EIF4G3: variants seen among roughly 807,000 people sequenced by gnomAD.
EIF4G3 encodes the protein eukaryotic translation initiation factor 4 gamma 3.
In EIF4G3, 34 loss-of-function variants were observed where a neutral mutation model predicts 186.4. The ratio of observed to expected loss-of-function variants is 0.18; its 90% confidence interval spans 0.14 to 0.24. The LOEUF is 0.24. Among genes scored for constraint, EIF4G3 ranks in the 10% least tolerant of loss-of-function variants. The pLI is 1.00. For synonymous variants in EIF4G3, 673 were observed against 679.5 expected (o/e 0.99, Z 0.15); for missense variants, 1,536 against 1,948.5 (o/e 0.79, Z 3.99).
chr1:20,827,061 C>T (rs971275646), intron 32 of EIF4G3, among the ~76,000 whole-genome samples: 7 of 152,194 alleles, frequency 4.6e-5, no homozygotes, highest in Middle Eastern at 3.4e-3. Flanking sequence ...TTGAGTCAGG[C>T]GTAAGTAAGT....
At chr1:21,171,168 C>T (rs2097958364) in intron 2 of EIF4G3, among the ~76,000 whole-genome samples, 1 of 152,140 alleles carries the variant, frequency 6.6e-6, no homozygotes, top group Non-Finnish European at 1.5e-5. Context: ...AATATCTCAT[C>T]CGTGTAAGTC....
chr1:20,982,227 T>C (rs1325944461), intron 8 of EIF4G3, among the ~76,000 whole-genome samples, 161 bp downstream of exon 8: 1 of 152,218 alleles, frequency 6.6e-6, no homozygotes, highest in African/African-American at 2.4e-5. Context: ...TGGCAACCAG[T>C]ACCTGTAGTT....
At chr1:21,028,878 G>A (rs1232964898) in intron 4 of EIF4G3, among the ~76,000 whole-genome samples, 1 of 152,198 alleles carries the variant, frequency 6.6e-6, no homozygotes, top group African/African-American at 2.4e-5. Flanking sequence ...TAGACCAGCT[G>A]TATTAATAAA....
At chr1:21,050,806 A>C (rs2154576624) in intron 4 of EIF4G3, 60 bp downstream of exon 4, 1 of 677,174 alleles carries the variant, frequency 1.5e-6, no homozygotes, top group Middle Eastern at 2.6e-4. Flanking sequence ...CTCTTTAGAA[A>C]AACAAAAATG....
At chr1:21,069,723 C>A (rs6426667) in intron 3 of EIF4G3, among the ~76,000 whole-genome samples, 65,540 of 151,786 alleles carry the variant, frequency 0.43, 14,517 homozygotes, top group Non-Finnish European at 0.47. Context: ...AAAGAAAGGC[C>A]AAACAGAAAA....
intron 26 of EIF4G3, among the ~76,000 whole-genome samples, chr1:20,854,523 A>G (rs2074287538): frequency 6.9e-6 from 1 of 145,254 alleles, no homozygotes; most frequent in Non-Finnish European, 1.5e-5. Context: ...GTGAGACTCC[A>G]TCTCTACAAA....
chr1:20,860,678 G>C (rs1252269582), intron 23 of EIF4G3, among the ~76,000 whole-genome samples, 161 bp from the exon 24 acceptor site: 1 of 152,162 alleles, frequency 6.6e-6, no homozygotes, highest in African/African-American at 2.4e-5. Flanking sequence ...AGCAGTTTAG[G>C]ATTAGAGCTG....
At chr1:20,875,050 T>C (rs1167799134) in intron 20 of EIF4G3, among the ~76,000 whole-genome samples, 1 of 152,130 alleles carries the variant, frequency 6.6e-6, no homozygotes. Flanking sequence ...ATTATCATGG[T>C]CCACTGCAGC....
At chr1:21,071,588 C>G (rs1416000168) in intron 3 of EIF4G3, among the ~76,000 whole-genome samples, 1 of 152,168 alleles carries the variant, frequency 6.6e-6, no homozygotes, top group African/African-American at 2.4e-5. Context: ...GATCCCAGCA[C>G]TTTGGGAAGC....
At chr1:21,052,012 G>T (rs957303267) in intron 3 of EIF4G3, among the ~76,000 whole-genome samples, 4 of 152,014 alleles carry the variant, frequency 2.6e-5, no homozygotes, top group African/African-American at 9.7e-5. Flanking sequence ...TATTTTTAAA[G>T]ATCTGTAAAG....
At chr1:20,813,946 TG>T (rs1557733666) in intron 34 of EIF4G3, among the ~76,000 whole-genome samples, 4 of 96,594 alleles carry the variant, frequency 4.1e-5, no homozygotes, top group African/African-American at 3.8e-5. Context: ...GATGAGTCAC[TG>T]TTTTTTTTTT....
chr1:20,999,067 T>C (rs758702082), intron 6 of EIF4G3, among the ~76,000 whole-genome samples: 2 of 152,162 alleles, frequency 1.3e-5, no homozygotes, highest in Non-Finnish European at 2.9e-5. Flanking sequence ...TTCAACAAAT[T>C]ACAGTAGAAC....
chr1:21,162,701 T>C (rs980115635), intron 2 of EIF4G3, among the ~76,000 whole-genome samples: 1 of 152,120 alleles, frequency 6.6e-6, no homozygotes, highest in Admixed American at 6.6e-5. Context: ...TGAGCCAAGA[T>C]GGTGCCATTG....
chr1:21,082,201 T>C (rs1235967117), intron 3 of EIF4G3, among the ~76,000 whole-genome samples: 1 of 149,488 alleles, frequency 6.7e-6, no homozygotes, highest in Non-Finnish European at 1.5e-5. Context: ...AAGCATAATC[T>C]TTGTGTAATT....
chr1:21,103,090 A>G (rs2096555348), intron 2 of EIF4G3, among the ~76,000 whole-genome samples: 1 of 152,212 alleles, frequency 6.6e-6, no homozygotes, highest in African/African-American at 2.4e-5. Context: ...CTCATAGTAC[A>G]ATGTCTCACT....
chr1:20,899,926 C>T lies in EIF4G3; in HGVS notation c.1770G>A (p.Glu590=). ...EAELELKAEE[E]LSIDKVLESE... The stretch of plus-strand genomic sequence containing the variant: ...ATTCAAGTACTTTGTCAATGGAAAG[C>T]TCCTCTTCAGCTTTAAGCTAAATAA... Residue 590 remains glutamate (E), a synonymous_variant, in exon 16 of 37, where the codon GAG becomes GAA. Transcript: ENST00000602326. 1 of 1,612,572 alleles carries T rather than the reference C, an allele frequency of 6.2e-7. No homozygotes were observed. Among genetic ancestry groups the T allele is most frequent in the Non-Finnish European group, 8.5e-7 (1 of 1,179,688 alleles).
At chr1:20,857,829 G>A (rs1014097756) in intron 24 of EIF4G3, among the ~76,000 whole-genome samples, 2 of 152,086 alleles carry the variant, frequency 1.3e-5, no homozygotes, top group African/African-American at 2.4e-5. Context: ...GAACACTTTC[G>A]GAGAAGTCAG....
Position 20,973,523 on chromosome 1 carries a change from G to A in EIF4G3, c.494-424C>T, listed in dbSNP as rs371042678. ...GAAGGGAATATATCTGATCATCTTG[G>A]AAAGTAGGGGTGATCTAATTCTTCT... On this transcript the variant is annotated intron_variant, in intron 10 of 36. Coordinates refer to ENST00000602326, the MANE Select transcript of EIF4G3 (RefSeq NM_001391906.1). Among the ~76,000 whole-genome samples the A allele has an allele frequency of 4.6e-5, 7 of 152,332 alleles. No individual in the cohort carries two copies. In the East Asian group the frequency reaches 9.6e-4, roughly 21 times the overall value.
chr1:21,086,982 T>C (rs2096004762), intron 3 of EIF4G3, among the ~76,000 whole-genome samples: 1 of 151,576 alleles, frequency 6.6e-6, no homozygotes, highest in South Asian at 2.1e-4. Context: ...GATGGACATC[T>C]GGGAAACTCT....
Sources: allele counts gnomAD v4.1 joint callset (sites outside exome capture counted in the v4.1 genomes callset), GRCh38; gene constraint gnomAD v4.1.1; transcripts MANE v1.5; gene names NCBI Gene and HGNC (gene_info 2026-07-23, HGNC 2026-07-21).